MAP3K9: variants seen among roughly 807,000 people sequenced by gnomAD.
The protein encoded by MAP3K9 is mitogen-activated protein kinase kinase kinase 9, also known as mixed lineage kinase 1 (tyr and ser/thr specificity).
In MAP3K9, 46 loss-of-function variants were observed where a neutral mutation model predicts 95.8. The ratio of observed to expected loss-of-function variants is 0.48; its 90% CI spans 0.38 to 0.61. The LOEUF is 0.61. MAP3K9 is among the 20% of genes least tolerant of loss of function. MAP3K9 has a pLI of 0.00. For synonymous variants in MAP3K9, 533 were observed against 593.8 expected, an observed-to-expected ratio of 0.90 and a Z score of 1.49; for missense variants, 1,296 against 1,474.3, an observed-to-expected ratio of 0.88 and a Z score of 1.98.
Position 70,730,757 on chromosome 14 carries a change from C to A in MAP3K9, c.2938G>T (p.Asp980Tyr), listed in dbSNP as rs2053889084. ...GTCTTGGGTCTCTCCAAGGTAGAGT[C>A]CTGCTGAGTGTTCCAGCGCCTTGGG... ...PTPRRWNTQQ[D>Y]STLERPKTLE... is the part of the protein sequence containing the mutation. The change falls in exon 12 of 12, where the codon GAC becomes TAC. Residue 980 changes from aspartate (D) to tyrosine (Y), a missense_variant. Coordinates refer to ENST00000554752, the MANE Select transcript of MAP3K9 (RefSeq NM_001284230.2). The A allele has an allele frequency of 6.2e-7, 1 of 1,613,676 alleles. No homozygotes were observed. The highest frequency in any genetic ancestry group is 1.3e-5 in the African/African-American group (1 of 74,866).
At chr14:70,766,634 T>C (rs905596774) in intron 2 of MAP3K9, among the ~76,000 whole-genome samples, 17 of 152,130 alleles carry the variant, frequency 1.1e-4, no homozygotes, top group Non-Finnish European at 2.2e-4. Context: ...CAGCAGTAGG[T>C]GTAATTATTT....
At chr14:70,742,258 T>C in intron 6 of MAP3K9, 93 bp downstream of exon 6, 3 of 1,505,560 alleles carry the variant, frequency 2.0e-6, no homozygotes, top group South Asian at 1.3e-5. Flanking sequence ...CAGGGTGTCA[T>C]GTTTCCAAGC....
At chr14:70,752,294 G>A (rs2054239720) in intron 3 of MAP3K9, among the ~76,000 whole-genome samples, 1 of 152,172 alleles carries the variant, frequency 6.6e-6, no homozygotes, top group African/African-American at 2.4e-5. Context: ...GGCTCCTAAA[G>A]AGCAGGGAGA....
At chr14:70,807,677 C>T (rs945167722) in intron 1 of MAP3K9, among the ~76,000 whole-genome samples, 2 of 151,982 alleles carry the variant, frequency 1.3e-5, no homozygotes, top group African/African-American at 4.8e-5. Context: ...GTAATTAATA[C>T]ATATTAACAA....
At chr14:70,762,276 G>A (rs761870417) in intron 2 of MAP3K9, among the ~76,000 whole-genome samples, 3 of 152,096 alleles carry the variant, frequency 2.0e-5, no homozygotes, top group Non-Finnish European at 2.9e-5. Context: ...TTGCTGGATC[G>A]CATGGTAATT....
At chr14:70,771,129 T>C (rs1489631430) in intron 2 of MAP3K9, among the ~76,000 whole-genome samples, 3 of 152,132 alleles carry the variant, frequency 2.0e-5, no homozygotes, top group African/African-American at 4.8e-5. Flanking sequence ...TCTCCATCAG[T>C]TTTCCAGTCT....
intron 2 of MAP3K9, among the ~76,000 whole-genome samples, chr14:70,780,322 G>A (rs530098868): frequency 2.0e-5 from 3 of 152,278 alleles, no homozygotes; most frequent in African/African-American, 7.2e-5. Flanking sequence ...TAGGCCTCCT[G>A]TAGGCACAGC....
At chr14:70,791,385 A>G (rs1026090886) in intron 2 of MAP3K9, among the ~76,000 whole-genome samples, 1 of 152,178 alleles carries the variant, frequency 6.6e-6, no homozygotes, top group Non-Finnish European at 1.5e-5. Context: ...TTGCTGCCCC[A>G]CTGAGTAAGC....
chr14:70,800,674 G>C lies in MAP3K9; in HGVS notation c.813C>G (p.Ser271=). The C allele has an allele frequency of 1.2e-6, 2 of 1,612,986 alleles. No homozygotes were observed. Among genetic ancestry groups the C allele is most frequent in the Non-Finnish European group, 1.7e-6 (2 of 1,179,494 alleles). ...CCATCTCTTCATACTCACTGTTGCT[G>C]GACTTAAGGTCGCGGTGGATGATGG... ...IVPIIHRDLK[S]SNILILQKVE... Residue 271 remains serine (S), a synonymous_variant, in exon 2 of 12, where the codon TCC becomes TCG. Coordinates refer to ENST00000554752, the MANE Select transcript of MAP3K9 (RefSeq NM_001284230.2).
intron 2 of MAP3K9, among the ~76,000 whole-genome samples, chr14:70,786,039 A>C (rs2054741294): frequency 6.6e-6 from 1 of 152,172 alleles, no homozygotes; most frequent in Non-Finnish European, 1.5e-5. Context: ...CACCATGAAT[A>C]ATAAGCCAAG....
At chr14:70,753,504 T>A (rs1054859492) in intron 3 of MAP3K9, among the ~76,000 whole-genome samples, 1 of 152,196 alleles carries the variant, frequency 6.6e-6, no homozygotes, top group African/African-American at 2.4e-5. Context: ...TTTACGTGGA[T>A]CTGAGCTCAG....
intron 2 of MAP3K9, among the ~76,000 whole-genome samples, chr14:70,798,257 A>C (rs1332054270): frequency 6.6e-6 from 1 of 152,222 alleles, no homozygotes; most frequent in Admixed American, 6.5e-5. Context: ...TCAAAACTTC[A>C]TCAAGTAAAC....
intron 2 of MAP3K9, among the ~76,000 whole-genome samples, chr14:70,771,710 G>A (rs2054534325): frequency 6.6e-6 from 1 of 152,178 alleles, no homozygotes; most frequent in Admixed American, 6.5e-5. Context: ...CATCTGAGCT[G>A]AAGAACAGCT....
chr14:70,794,871 G>A (rs1323719495), intron 2 of MAP3K9, among the ~76,000 whole-genome samples: 1 of 150,832 alleles, frequency 6.6e-6, no homozygotes, highest in Non-Finnish European at 1.5e-5. Flanking sequence ...TAGAGACGGG[G>A]TTTCACTGTG....
intron 6 of MAP3K9, among the ~76,000 whole-genome samples, chr14:70,740,870 C>T (rs2054060616): frequency 6.6e-6 from 1 of 152,168 alleles, no homozygotes; most frequent in Non-Finnish European, 1.5e-5. Context: ...TGACATGCAA[C>T]AATATGCTGA....
chr14:70,783,299 A>AAATT, intron 2 of MAP3K9: 1 of 985,332 alleles, frequency 1.0e-6, no homozygotes, highest in Non-Finnish European at 1.2e-6. Flanking sequence ...AAGTAAATTC[A>AAATT]AATTAGTCTG....
Position 70,809,099 on chromosome 14 carries a change from C to T in MAP3K9, c.73G>A (p.Ala25Thr). The T allele has an allele frequency of 7.2e-7, 1 of 1,398,490 alleles. No homozygotes were observed. The highest frequency in any genetic ancestry group is 9.2e-7 in the Non-Finnish European group (1 of 1,085,728). The allele number at this position is 1,398,490 out of a possible 1,614,324, so 86.6% of individuals were successfully genotyped here. A position where few individuals can be genotyped will look rare whatever the true frequency, so the allele number is the denominator to read the frequency against. Residue 25 changes from alanine (A) to threonine (T), a missense_variant, in exon 1 of 12, where the codon GCA becomes ACA. Ala to Thr is a moderately conservative substitution (Grantham distance 58, BLOSUM62 0). Transcript: ENST00000554752. ...AAAAPPGEDG[A>T]GAGAEEEEEE... ...TCCTCCTCCTCGGCCCCGGCCCCTG[C>T]TCCATCCTCCCCCGGCGGGGCGGCA...
intron 2 of MAP3K9, among the ~76,000 whole-genome samples, chr14:70,797,442 A>T (rs946693561): frequency 1.3e-5 from 2 of 151,650 alleles, no homozygotes; most frequent in Non-Finnish European, 2.9e-5. Context: ...TAATAATAAA[A>T]TTTTTTAAAA....
At chr14:70,739,763 C>G (rs2054041480) in intron 7 of MAP3K9, 1 of 946,444 alleles carries the variant, frequency 1.1e-6, no homozygotes, top group African/African-American at 1.7e-5. Context: ...ACACCAGTTT[C>G]TAAATTGCTT....
Sources: allele counts gnomAD v4.1 joint callset (sites outside exome capture counted in the v4.1 genomes callset), GRCh38; gene constraint gnomAD v4.1.1; transcripts MANE v1.5; gene names NCBI Gene and HGNC (gene_info 2026-07-23, HGNC 2026-07-21).